XKR9: variants seen among roughly 807,000 people sequenced by gnomAD.
XKR9 encodes the protein XK related 9.
XKR9 carries 32 observed loss-of-function variants against 32.0 expected under a neutral mutation model. The observed-to-expected ratio is 1.00, with a 90% CI of 0.76 to 1.34. XKR9 has a LOEUF of 1.34. XKR9 is among the 40% of genes most tolerant of loss of function. The probability of loss-of-function intolerance (pLI) is 0.00; values close to 1 mark genes in which losing one functional copy is unlikely to be tolerated. For synonymous variants in XKR9, 168 were observed against 143.4 expected, an observed-to-expected ratio of 1.17 and a Z score of -1.22; for missense variants, 546 against 429.7, an observed-to-expected ratio of 1.27 and a Z score of -2.39.
chr8:71,053,790 T>C, the XKR9 span, among the ~76,000 whole-genome samples: 1 of 152,218 alleles, frequency 6.6e-6, no homozygotes, highest in African/African-American at 2.4e-5. Flanking sequence ...CTTTGATTAG[T>C]GGAACACAGG....
chr8:70,934,541 A>G, the XKR9 span, among the ~76,000 whole-genome samples: 1 of 152,020 alleles, frequency 6.6e-6, no homozygotes, highest in African/African-American at 2.4e-5. Context: ...CTATCCCTTA[A>G]TCCTGCACAA....
chr8:70,888,276 A>G, the XKR9 span, among the ~76,000 whole-genome samples: 1 of 150,214 alleles, frequency 6.7e-6, no homozygotes, highest in African/African-American at 2.4e-5. Flanking sequence ...TTATTTACCC[A>G]TGTTTAAATT....
At chr8:70,725,056 A>G (rs114004353) in intron 4 of XKR9, among the ~76,000 whole-genome samples, 1,763 of 152,286 alleles carry the variant, frequency 0.012, 33 homozygotes, top group African/African-American at 0.038. Context: ...GGCACCAGGA[A>G]GAAAAATGAG....
chr8:70,703,013 C>A (rs939063863), intron 3 of XKR9, among the ~76,000 whole-genome samples: 3 of 152,032 alleles, frequency 2.0e-5, no homozygotes, highest in Non-Finnish European at 4.4e-5. Context: ...TTCAGGCTTT[C>A]TTTTTACATT....
At chr8:70,815,997 G>T in the XKR9 span, among the ~76,000 whole-genome samples, 1 of 152,034 alleles carries the variant, frequency 6.6e-6, no homozygotes. Flanking sequence ...ATATTTCTTT[G>T]GGTATATATC....
chr8:70,797,589 A>G, the XKR9 span, among the ~76,000 whole-genome samples: 7 of 151,602 alleles, frequency 4.6e-5, no homozygotes, highest in Admixed American at 3.9e-4. Flanking sequence ...TTTTAGGTTC[A>G]GGGGTACAAT....
chr8:70,874,505 A>T, the XKR9 span, among the ~76,000 whole-genome samples: 1 of 152,188 alleles, frequency 6.6e-6, no homozygotes, highest in African/African-American at 2.4e-5. Flanking sequence ...TTGCAAACAG[A>T]AGAATATTTT....
In XKR9 at chr8:70,671,340, T is replaced by TATTGTGTGTATATATCACA. The variant is rs1392594694; in HGVS notation, c.-361+1802_-361+1803insATTGTGTGTATATATCACA. On this transcript the variant is annotated intron_variant, in intron 1 of 4. Coordinates refer to ENST00000408926, the MANE Select transcript of XKR9 (RefSeq NM_001011720.2). Reference sequence around the variant, plus strand: ...AATGACATGATCTCATTTTTTTTTTTTTTTTATTATACTCTAAGTTTTAGG... The same window carrying TATTGTGTGTATATATCACA: ...AATGACATGATCTCATTTTTTTTTTTATTGTGTGTATATATCACATTTTTATTATACTCTAAGTTTTAGG... 1.7e-3 allele frequency among the ~76,000 whole-genome samples: 97 copies of TATTGTGTGTATATATCACA among 58,194 alleles called. 9 individuals are homozygous for TATTGTGTGTATATATCACA. The highest frequency in any genetic ancestry group is 2.8e-3 in the Non-Finnish European group (45 of 16,138). 38.2% of individuals were successfully genotyped at this position (58,194 alleles called of 152,430 possible). A position where few individuals can be genotyped will look rare whatever the true frequency, so the allele number is the denominator to read the frequency against.
At chr8:70,815,119 C>T in the XKR9 span, among the ~76,000 whole-genome samples, 5 of 152,196 alleles carry the variant, frequency 3.3e-5, no homozygotes, top group East Asian at 9.6e-4. Flanking sequence ...ACATTCCATA[C>T]TTATGGATCA....
chr8:70,798,804 A>T, the XKR9 span, among the ~76,000 whole-genome samples: 1 of 152,206 alleles, frequency 6.6e-6, no homozygotes, highest in African/African-American at 2.4e-5. Context: ...TTGAATAGGG[A>T]GTCCTTTTCC....
chr8:70,725,783 G>A (rs561951716), intron 4 of XKR9, among the ~76,000 whole-genome samples: 1 of 152,206 alleles, frequency 6.6e-6, no homozygotes, highest in East Asian at 1.9e-4. Flanking sequence ...GTGGTCGCCT[G>A]TAATACCAGC....
At chr8:70,976,321 G>A in the XKR9 span, among the ~76,000 whole-genome samples, 5,188 of 152,250 alleles carry the variant, frequency 0.034, 138 homozygotes, top group Non-Finnish European at 0.049. Flanking sequence ...CAAAGGGAAT[G>A]CTTCCAGTTT....
chr8:70,806,895 G>A, the XKR9 span, among the ~76,000 whole-genome samples: 1 of 152,152 alleles, frequency 6.6e-6, no homozygotes, highest in African/African-American at 2.4e-5. Context: ...GGCCAACATG[G>A]AAATTTAGGA....
At chr8:70,895,279 C>T in the XKR9 span, among the ~76,000 whole-genome samples, 1 of 152,136 alleles carries the variant, frequency 6.6e-6, no homozygotes, top group Non-Finnish European at 1.5e-5. Flanking sequence ...AGTTTCTGTG[C>T]TTACCAGGGT....
chr8:71,044,760 A>G, the XKR9 span, among the ~76,000 whole-genome samples: 1 of 152,246 alleles, frequency 6.6e-6, no homozygotes, highest in African/African-American at 2.4e-5. Flanking sequence ...AATTTAATGC[A>G]TTGTCACAAA....
At chr8:71,045,577 CG>C in the XKR9 span, among the ~76,000 whole-genome samples, 2 of 152,070 alleles carry the variant, frequency 1.3e-5, no homozygotes, top group Non-Finnish European at 2.9e-5. Context: ...TTTTGTGGCC[CG>C]GGGAGAAGAG....
the XKR9 span, among the ~76,000 whole-genome samples, chr8:70,951,858 T>C: frequency 6.9e-6 from 1 of 145,734 alleles, no homozygotes; most frequent in African/African-American, 2.6e-5. Context: ...GGGGTCTCCA[T>C]AGCATCATTG....
At chr8:70,967,910 G>C in the XKR9 span, among the ~76,000 whole-genome samples, 1 of 152,020 alleles carries the variant, frequency 6.6e-6, no homozygotes, top group African/African-American at 2.4e-5. Context: ...ACGATTATGT[G>C]TCTTGGGGTT....
the XKR9 span, among the ~76,000 whole-genome samples, chr8:70,902,078 A>G: frequency 6.6e-6 from 1 of 152,196 alleles, no homozygotes; most frequent in South Asian, 2.1e-4. Context: ...GTTTGAAGTC[A>G]GGTAGCATGA....
Sources: gnomAD v4.1 joint callset for allele counts (sites outside exome capture counted in the v4.1 genomes callset) on GRCh38, gnomAD v4.1.1 for gene constraint, MANE v1.5 for transcripts, NCBI Gene and HGNC (gene_info 2026-07-23, HGNC 2026-07-21) for gene names.